SPATA6: variants seen among roughly 807,000 people sequenced by gnomAD.
SPATA6 encodes spermatogenesis associated 6.
Under a neutral mutation model 65.3 loss-of-function variants are expected in SPATA6, and 56 were observed. That is an observed-to-expected ratio of 0.86 (90% CI 0.69 to 1.07). SPATA6 has a LOEUF of 1.07. Among genes scored for constraint, SPATA6 ranks in the 50% least tolerant of loss-of-function variants. The pLI, the probability that SPATA6 is intolerant of heterozygous loss-of-function variation, is 0.00. For missense variants in SPATA6, 590 were observed against 594.8 expected (o/e 0.99, Z 0.08); for synonymous variants, 199 against 213.2 (o/e 0.93, Z 0.58).
intron 11 of SPATA6, among the ~76,000 whole-genome samples, chr1:48,336,631 GGGAGGA>G (rs1045799277): frequency 2.4e-4 from 36 of 151,872 alleles, no homozygotes; most frequent in African/African-American, 8.2e-4. Context: ...GCCTCCTCGA[GGGAGGA>G]GGATAAGAGG....
intron 11 of SPATA6, among the ~76,000 whole-genome samples, chr1:48,320,578 T>G (rs1343591028): frequency 6.6e-6 from 1 of 152,234 alleles, no homozygotes; most frequent in Non-Finnish European, 1.5e-5. Flanking sequence ...GCTGAGGGAC[T>G]TCGTCAACAG....
the SPATA6 span, among the ~76,000 whole-genome samples, chr1:48,281,121 C>A: frequency 6.6e-6 from 1 of 152,070 alleles, no homozygotes; most frequent in Admixed American, 6.6e-5. Context: ...AGGCCTTTGA[C>A]AAAATTCAAC....
chr1:48,393,673 C>T (rs1368506954), intron 8 of SPATA6, among the ~76,000 whole-genome samples: 2 of 152,098 alleles, frequency 1.3e-5, no homozygotes, highest in African/African-American at 4.8e-5. Flanking sequence ...ATATCATGGA[C>T]TGGGTAGCTT....
chr1:48,333,458 T>A (rs1259257091), intron 11 of SPATA6, among the ~76,000 whole-genome samples: 1 of 152,210 alleles, frequency 6.6e-6, no homozygotes, highest in Non-Finnish European at 1.5e-5. Context: ...GCAGACAGTC[T>A]ATCATGAGAC....
chr1:48,451,583 T>G lies in SPATA6; in HGVS notation c.207A>C (p.Val69=). 6.2e-7 allele frequency: 1 copy of G among 1,612,768 alleles called. No individual in the cohort carries two copies. The highest frequency in any genetic ancestry group is 1.3e-5 in the African/African-American group (1 of 75,010). ...GCTGTGTAACCACATCTCCAGGATC[T>G]ACTGCGTCCGGGAACACCTATAGTG... The part of the protein sequence containing the change: ...MVFEKVFPDA[V]DPGDVVTQLE... Residue 69 remains valine (V), a synonymous_variant, in exon 3 of 13, where the codon GTA becomes GTC. Coordinates refer to ENST00000371847, the MANE Select transcript of SPATA6 (RefSeq NM_019073.4).
intron 11 of SPATA6, among the ~76,000 whole-genome samples, chr1:48,350,347 T>C (rs1274590573): frequency 6.6e-6 from 1 of 151,450 alleles, no homozygotes; most frequent in Admixed American, 6.6e-5. Flanking sequence ...AACTCATATA[T>C]GTGATTTTAA....
At chr1:48,286,517 T>G in the SPATA6 span, among the ~76,000 whole-genome samples, 2 of 152,198 alleles carry the variant, frequency 1.3e-5, no homozygotes, top group African/African-American at 4.8e-5. Flanking sequence ...TTTTCTATTC[T>G]GCAACTTTAT....
chr1:48,288,680 G>A, the SPATA6 span, among the ~76,000 whole-genome samples: 6 of 152,132 alleles, frequency 3.9e-5, no homozygotes, highest in African/African-American at 9.7e-5. Context: ...CTTGGCAAAC[G>A]GCACACCAGG....
the SPATA6 span, among the ~76,000 whole-genome samples, chr1:48,268,310 GTGTGTGTGTGTGTGTGTGTGTGTT>G: frequency 8.3e-6 from 1 of 120,712 alleles, no homozygotes; most frequent in African/African-American, 3.1e-5. Context: ...AAATATGTGT[GTGTGTGTGTGTGTGTGTGTGTGTT>G]TGTGTGTGTG....
At chr1:48,367,625 C>T (rs1014407780) in intron 9 of SPATA6, among the ~76,000 whole-genome samples, 6 of 151,892 alleles carry the variant, frequency 4.0e-5, no homozygotes, top group Admixed American at 1.3e-4. Flanking sequence ...CAACCCCTGC[C>T]TTTTTTTGTT....
In SPATA6 at chr1:48,368,937, G is replaced by C. The variant is rs1647131706; in HGVS notation, c.910-9167C>G. On this transcript the variant is annotated intron_variant, in intron 9 of 12. Coordinates refer to ENST00000371847, the MANE Select transcript of SPATA6 (RefSeq NM_019073.4). Reference sequence around the variant, plus strand: ...CATCTTTGTGGTTTTATCTACTTTTGGTCTTTGATGATGGTGATGTACAGA... The same window carrying C: ...CATCTTTGTGGTTTTATCTACTTTTCGTCTTTGATGATGGTGATGTACAGA... 6.6e-5 allele frequency among the ~76,000 whole-genome samples: 10 copies of C among 152,188 alleles called. No homozygotes were observed. In the South Asian group the frequency reaches 2.1e-3, roughly 32 times the overall value.
chr1:48,325,763 G>A (rs1645740426), intron 11 of SPATA6: 1 of 476,924 alleles, frequency 2.1e-6, no homozygotes, highest in East Asian at 4.7e-5. Flanking sequence ...GTATGCCCCT[G>A]TGGATGCGTC....
At chr1:48,386,368 T>TA (rs1401077271) in intron 8 of SPATA6, among the ~76,000 whole-genome samples, 5 of 152,222 alleles carry the variant, frequency 3.3e-5, no homozygotes, top group Admixed American at 3.3e-4. Flanking sequence ...TAATATCTGT[T>TA]ACACTGACAG....
intron 11 of SPATA6, among the ~76,000 whole-genome samples, chr1:48,333,812 C>T (rs920014882): frequency 6.6e-6 from 1 of 151,848 alleles, no homozygotes; most frequent in Non-Finnish European, 1.5e-5. Context: ...CTGATGGAAA[C>T]AGAGACATAA....
chr1:48,312,049 G>A (rs1051441745), intron 11 of SPATA6, among the ~76,000 whole-genome samples: 2 of 152,186 alleles, frequency 1.3e-5, no homozygotes, highest in African/African-American at 4.8e-5. Flanking sequence ...GGCTTGAGTA[G>A]GTAAACAAAG....
At chr1:48,394,602 C>T (rs1557659106) in intron 8 of SPATA6, among the ~76,000 whole-genome samples, 1 of 152,038 alleles carries the variant, frequency 6.6e-6, no homozygotes, top group Non-Finnish European at 1.5e-5. Flanking sequence ...AGAGATTACA[C>T]ACAACAGGTT....
At chr1:48,353,433 T>TG (rs764173420) in intron 11 of SPATA6, among the ~76,000 whole-genome samples, 10 of 149,580 alleles carry the variant, frequency 6.7e-5, no homozygotes. Flanking sequence ...TTTTCATTCT[T>TG]GAAAAAAAAA....
At chr1:48,292,324 C>T (rs1316766063), downstream of SPATA6, among the ~76,000 whole-genome samples, 1 of 152,208 alleles carries the variant, frequency 6.6e-6, no homozygotes, top group Non-Finnish European at 1.5e-5. Context: ...AGTGGTGGCA[C>T]AGGAGCTGAA....
intron 9 of SPATA6, among the ~76,000 whole-genome samples, chr1:48,371,347 T>C (rs1417773468): frequency 6.6e-6 from 1 of 152,210 alleles, no homozygotes; most frequent in East Asian, 1.9e-4. Flanking sequence ...GGGAACTTCC[T>C]TAACTTGCTA....
Sources: allele counts gnomAD v4.1 joint callset (sites outside exome capture counted in the v4.1 genomes callset), GRCh38; gene constraint gnomAD v4.1.1; transcripts MANE v1.5; gene names NCBI Gene and HGNC (gene_info 2026-07-23, HGNC 2026-07-21).